The following PBX1 variants were observed in gnomAD, a reference collection of about 807,000 sequenced individuals.
PBX1 encodes the protein PBX homeobox 1, also known as pre-B-cell leukemia transcription factor 1.
PBX1 carries 6 observed loss-of-function variants against 53.4 expected under a neutral mutation model. The observed-to-expected ratio is 0.11, with a 90% CI of 0.06 to 0.22. PBX1 has a LOEUF of 0.22. PBX1 is among the 10% of genes least tolerant of loss of function. The probability of loss-of-function intolerance (pLI) is 1.00; values close to 1 mark genes in which losing one functional copy is unlikely to be tolerated. For missense variants in PBX1, 251 were observed against 551.4 expected, an observed-to-expected ratio of 0.46 and a Z score of 5.46; for synonymous variants, 204 against 212.3, an observed-to-expected ratio of 0.96 and a Z score of 0.34.
intron 2 of PBX1, among the ~76,000 whole-genome samples, chr1:164,768,791 C>T (rs542035619): frequency 3.5e-4 from 54 of 152,320 alleles, no homozygotes; most frequent in Admixed American, 1.2e-3. Context: ...CCATTCATCA[C>T]GCCTGTAATC....
chr1:164,692,618 A>G (rs1033566527), intron 2 of PBX1, among the ~76,000 whole-genome samples: 5 of 152,186 alleles, frequency 3.3e-5, no homozygotes, highest in Non-Finnish European at 5.9e-5. Flanking sequence ...AAATGAAGAA[A>G]AATGGTTATC....
rs1475130935 is a variant in PBX1 at position 164,781,462 on chromosome 1, A to AT, written c.266-11032_266-11031insT. On this transcript the variant is annotated intron_variant, in intron 2 of 8. Coordinates refer to ENST00000420696, the MANE Select transcript of PBX1 (RefSeq NM_002585.4). Reference sequence around the variant, plus strand: ...ATAGATCAATATATGCAGAAAGGCAAATTACAGGTACTCAGCCTAAAGTAA... The same window carrying AT: ...ATAGATCAATATATGCAGAAAGGCAATATTACAGGTACTCAGCCTAAAGTAA... 5.7e-4 allele frequency among the ~76,000 whole-genome samples: 87 copies of AT among 152,190 alleles called. 4 individuals are homozygous for AT. Among genetic ancestry groups the AT allele is most frequent in the Non-Finnish European group, 4.4e-5 (3 of 68,044 alleles).
chr1:164,658,331 T>G (rs1350721146), intron 2 of PBX1, among the ~76,000 whole-genome samples: 2 of 152,210 alleles, frequency 1.3e-5, no homozygotes, highest in Non-Finnish European at 2.9e-5. Flanking sequence ...ATCAGCCTGT[T>G]GTGGAGCTCA....
intron 2 of PBX1, among the ~76,000 whole-genome samples, chr1:164,611,845 C>T (rs1185352462): frequency 2.0e-5 from 3 of 152,034 alleles, no homozygotes; most frequent in African/African-American, 7.2e-5. Flanking sequence ...GCCTGGCCTC[C>T]CACTAACATT....
chr1:164,631,398 A>G (rs1658402122), intron 2 of PBX1, among the ~76,000 whole-genome samples: 1 of 152,176 alleles, frequency 6.6e-6, no homozygotes, highest in South Asian at 2.1e-4. Context: ...AAGTAATAAA[A>G]GCATGGGAGC....
At chr1:164,647,971 C>T (rs1203484015) in intron 2 of PBX1, among the ~76,000 whole-genome samples, 2 of 152,244 alleles carry the variant, frequency 1.3e-5, no homozygotes, top group African/African-American at 2.4e-5. Flanking sequence ...CCCACCACTA[C>T]GCCCGGCTAA....
chr1:164,639,258 G>A (rs1317017191), intron 2 of PBX1, among the ~76,000 whole-genome samples: 3 of 152,222 alleles, frequency 2.0e-5, no homozygotes, highest in Non-Finnish European at 4.4e-5. Flanking sequence ...GGAAAAGAAG[G>A]TGAGCACTGC....
chr1:164,583,615 T>C (rs1654769581), intron 2 of PBX1, among the ~76,000 whole-genome samples: 1 of 152,222 alleles, frequency 6.6e-6, no homozygotes, highest in Non-Finnish European at 1.5e-5. Context: ...GGACAGTCCC[T>C]GAGACATACG....
chr1:164,797,501 C>T (rs1189214691), intron 3 of PBX1, among the ~76,000 whole-genome samples: 2 of 152,124 alleles, frequency 1.3e-5, no homozygotes, highest in Non-Finnish European at 2.9e-5. Context: ...AGGGAATGAG[C>T]TTACTATATA....
At chr1:164,778,745 A>G (rs959774932) in intron 2 of PBX1, among the ~76,000 whole-genome samples, 1 of 152,200 alleles carries the variant, frequency 6.6e-6, no homozygotes, top group Non-Finnish European at 1.5e-5. Context: ...CAGAAATGAA[A>G]TTCTGCAAAA....
intron 2 of PBX1, among the ~76,000 whole-genome samples, chr1:164,767,365 C>T (rs1421503960): frequency 6.6e-6 from 1 of 152,164 alleles, no homozygotes; most frequent in Non-Finnish European, 1.5e-5. Flanking sequence ...CTCATGCTCA[C>T]AAAGCCAGTG....
chr1:164,698,826 A>G (rs1662938558), intron 2 of PBX1, among the ~76,000 whole-genome samples: 1 of 152,292 alleles, frequency 6.6e-6, no homozygotes, highest in South Asian at 2.1e-4. Flanking sequence ...TCAAGCATTC[A>G]CTCAGGTAAT....
At chr1:164,835,275 G>A (rs1211032147) in intron 8 of PBX1, among the ~76,000 whole-genome samples, 2 of 149,500 alleles carry the variant, frequency 1.3e-5, no homozygotes, top group Admixed American at 6.7e-5. Flanking sequence ...TTAATAACAC[G>A]GTGGTAAGCT....
chr1:164,649,723 A>G (rs1288692067), intron 2 of PBX1, among the ~76,000 whole-genome samples: 1 of 152,168 alleles, frequency 6.6e-6, no homozygotes, highest in Non-Finnish European at 1.5e-5. Context: ...ACCCCCTGCC[A>G]GGGAGCAAAC....
downstream of PBX1, among the ~76,000 whole-genome samples, chr1:164,854,000 G>A (rs1288203507): frequency 1.3e-5 from 2 of 150,976 alleles, no homozygotes; most frequent in African/African-American, 4.9e-5. Flanking sequence ...CCACCTCCTG[G>A]GTTCAAGCAA....
chr1:164,712,393 T>C (rs1246316463), intron 2 of PBX1, among the ~76,000 whole-genome samples: 1 of 152,166 alleles, frequency 6.6e-6, no homozygotes, highest in Non-Finnish European at 1.5e-5. Flanking sequence ...TGAGGCCTAA[T>C]CAGGCTGGAG....
chr1:164,709,801 T>C (rs1663649259), intron 2 of PBX1, among the ~76,000 whole-genome samples: 1 of 152,210 alleles, frequency 6.6e-6, no homozygotes. Flanking sequence ...TTTGATATTA[T>C]TGCAGGAACA....
chr1:164,813,312 G>C (rs959014833), intron 6 of PBX1: 2 of 152,306 alleles, frequency 1.3e-5, no homozygotes, highest in African/African-American at 4.8e-5. Context: ...ATGAAGAGTA[G>C]CCTGGGCTTT....
In PBX1 at chr1:164,677,161, C is replaced by T. The variant is rs1178752292; in HGVS notation, c.265+113850C>T. Among the ~76,000 whole-genome samples the T allele has an allele frequency of 8.0e-5, 12 of 150,388 alleles. No homozygotes were observed. In the South Asian group the frequency reaches 8.5e-4, roughly 11 times the overall value. On this transcript the variant is annotated intron_variant, in intron 2 of 8. Transcript: ENST00000420696. ...ACTGCGGACTGCAGTGGCACAATCT[C>T]GGCTCACTGCAAGCTCCGCTTCCCG... is the stretch of plus-strand genomic sequence containing the variant.
Sources: gnomAD v4.1 joint callset for allele counts (sites outside exome capture counted in the v4.1 genomes callset) on GRCh38, gnomAD v4.1.1 for gene constraint, MANE v1.5 for transcripts, NCBI Gene and HGNC (gene_info 2026-07-23, HGNC 2026-07-21) for gene names.